FBXO42: variants seen among roughly 807,000 people sequenced by gnomAD.
The protein encoded by FBXO42 is F-box only protein 42.
Under a neutral mutation model 71.7 loss-of-function variants are expected in FBXO42, and 12 were observed. That is an observed-to-expected ratio of 0.17 (90% CI 0.11 to 0.27). The LOEUF is 0.27. FBXO42 is among the 10% of genes least tolerant of loss of function. The pLI is 1.00. For synonymous variants in FBXO42, 325 were observed against 327.5 expected (o/e 0.99, Z 0.08); for missense variants, 707 against 911.9 (o/e 0.78, Z 2.89).
chr1:16,347,830 A>T (rs910158071), intron 1 of FBXO42, among the ~76,000 whole-genome samples: 1 of 152,116 alleles, frequency 6.6e-6, no homozygotes, highest in African/African-American at 2.4e-5. Flanking sequence ...TTTACTAAAA[A>T]TACAAAAAAT....
chr1:16,308,731 C>A (rs1211366011), intron 2 of FBXO42, among the ~76,000 whole-genome samples: 4 of 149,254 alleles, frequency 2.7e-5, no homozygotes, highest in African/African-American at 9.9e-5. Context: ...GCTGGGAGAC[C>A]CCATCTCTGT....
At chr1:16,311,499 A>ATAT (rs1553153690) in intron 2 of FBXO42, among the ~76,000 whole-genome samples, 22 of 68,698 alleles carry the variant, frequency 3.2e-4, no homozygotes, top group African/African-American at 6.9e-4. Context: ...AAAAAAAAAA[A>ATAT]AAAAATATAT....
chr1:16,271,258 GGTGTGTGTGTGTGTGTGTGTGTGTGT>G (rs57827739), intron 4 of FBXO42, among the ~76,000 whole-genome samples: 2 of 137,426 alleles, frequency 1.5e-5, no homozygotes, highest in Admixed American at 7.5e-5. Context: ...TGTGTGTGTT[GGTGTGTGTGTGTGTGTGTGTGTGTGT>G]GTGTGTGTGT....
intron 4 of FBXO42, among the ~76,000 whole-genome samples, chr1:16,281,682 G>T: frequency 6.9e-6 from 1 of 145,548 alleles, no homozygotes. Flanking sequence ...TTTTTGAGAC[G>T]GAGTCTCACT....
chr1:16,263,610 C>T (rs1325832530), intron 4 of FBXO42, among the ~76,000 whole-genome samples: 2 of 151,614 alleles, frequency 1.3e-5, no homozygotes, highest in Non-Finnish European at 2.9e-5. Flanking sequence ...GTAATCCCAG[C>T]TTCTTGTGAG....
rs60358251 is a variant in FBXO42, at chr1:16,350,573, CAAAAAAAAAA to C, written c.-18+1672_-18+1681del. On this transcript the variant is annotated intron_variant, in intron 1 of 9. Transcript: ENST00000375592. ...TGAAACCCCGTCTCTACTAAAATTA[CAAAAAAAAAA>C]AAAAAAAAAAAAAAATTAGCGGGCG... Among the ~76,000 whole-genome samples, 13 of 66,794 alleles carry C rather than the reference CAAAAAAAAAA, an allele frequency of 1.9e-4. No homozygotes were observed. In the South Asian group the frequency reaches 2.3e-3, roughly 12 times the overall value. 43.8% of individuals were successfully genotyped at this position (66,794 alleles called of 152,430 possible). A position where few individuals can be genotyped will look rare whatever the true frequency, so the allele number is the denominator to read the frequency against.
In FBXO42 at chr1:16,352,405, G is replaced by T; in HGVS notation, c.-168C>A. On this transcript the variant is annotated 5_prime_UTR_variant, in exon 1 of 10. Transcript: ENST00000375592. ...AGCTGGCGGGACCCCGAGCCGCCCG[G>T]AGCCGCCATCTTCCTCCACTCAAAC... is the stretch of plus-strand genomic sequence containing the variant. 2.5e-6 allele frequency: 1 copy of T among 399,790 alleles called. No homozygotes were observed. The highest frequency in any genetic ancestry group is 2.1e-5 in the African/African-American group (1 of 48,732). 24.8% of individuals were successfully genotyped at this position (399,790 alleles called of 1,614,324 possible).
chr1:16,329,726 G>A (rs2082480715), intron 1 of FBXO42, among the ~76,000 whole-genome samples: 1 of 151,914 alleles, frequency 6.6e-6, no homozygotes, highest in Non-Finnish European at 1.5e-5. Flanking sequence ...GAGGCAGGCA[G>A]ATCACGAGGT....
intron 4 of FBXO42, among the ~76,000 whole-genome samples, chr1:16,281,391 C>A (rs552920018): frequency 9.9e-5 from 15 of 152,240 alleles, no homozygotes; most frequent in African/African-American, 3.6e-4. Flanking sequence ...TCAAGGTCCA[C>A]GTACATCTCC....
chr1:16,273,362 C>T (rs1343214830), intron 4 of FBXO42, among the ~76,000 whole-genome samples: 1 of 152,134 alleles, frequency 6.6e-6, no homozygotes, highest in Non-Finnish European at 1.5e-5. Flanking sequence ...CTTTCCTCCC[C>T]AAACTTCTGT....
Position 16,251,862 on chromosome 1 carries a change from A to G in FBXO42, c.1039-77T>C. The stretch of plus-strand genomic sequence containing the variant: ...TTCAACTGTCAAACATTTTATCATG[A>G]GCATCTGTCATGTGCCAGACATTTT... On this transcript the variant is annotated intron_variant, in intron 9 of 9. Transcript: ENST00000375592. This position sits in a 1 kb window ranked among gnomAD's most constrained non-coding sequence, Gnocchi z 4.5. The G allele has an allele frequency of 6.6e-7, 1 of 1,514,206 alleles. No individual in the cohort carries two copies. Among genetic ancestry groups the G allele is most frequent in the Non-Finnish European group, 8.9e-7 (1 of 1,126,066 alleles). The allele number at this position is 1,514,206 out of a possible 1,614,324, so 93.8% of individuals were successfully genotyped here. A position where few individuals can be genotyped will look rare whatever the true frequency, so the allele number is the denominator to read the frequency against.
chr1:16,307,293 G>GT (rs2082261397), intron 2 of FBXO42, among the ~76,000 whole-genome samples: 1 of 152,130 alleles, frequency 6.6e-6, no homozygotes, highest in South Asian at 2.1e-4. Flanking sequence ...GAAGCCAGGA[G>GT]TTTGAGACCA....
At chr1:16,319,701 G>C (rs528601498) in intron 1 of FBXO42, among the ~76,000 whole-genome samples, 21 of 151,846 alleles carry the variant, frequency 1.4e-4, no homozygotes, top group African/African-American at 5.1e-4. Flanking sequence ...TCACGAGCTC[G>C]GGAGTTCGAG....
chr1:16,256,570 T>C (rs1446014875), intron 5 of FBXO42, 36 bp downstream of exon 5: 7 of 1,601,844 alleles, frequency 4.4e-6, no homozygotes, highest in Non-Finnish European at 5.1e-6. Context: ...TAAGGCCTTT[T>C]CTTCCAGATT....
At chr1:16,255,340 T>G (rs2081630086) in intron 6 of FBXO42, among the ~76,000 whole-genome samples, 1 of 150,622 alleles carries the variant, frequency 6.6e-6, no homozygotes, top group Admixed American at 6.6e-5. Flanking sequence ...TAACTTACTT[T>G]TTTTTTTTTT....
At chr1:16,270,378 G>C (rs1236364037) in intron 4 of FBXO42, among the ~76,000 whole-genome samples, 2 of 152,180 alleles carry the variant, frequency 1.3e-5, no homozygotes. Flanking sequence ...GATGGAGTTA[G>C]GCAGCAGTAA....
intron 1 of FBXO42, among the ~76,000 whole-genome samples, chr1:16,320,429 T>C (rs1278861949): frequency 6.6e-6 from 1 of 151,208 alleles, no homozygotes; most frequent in Admixed American, 6.6e-5. Context: ...CCATAGTCCC[T>C]CTTACTTGTT....
chr1:16,275,920 T>C (rs1449395356), intron 4 of FBXO42, among the ~76,000 whole-genome samples: 2 of 150,574 alleles, frequency 1.3e-5, no homozygotes, highest in African/African-American at 2.4e-5. Context: ...GGAGGAGAAT[T>C]GTTGCCAAGA....
chr1:16,339,992 A>G (rs756642583), intron 1 of FBXO42, among the ~76,000 whole-genome samples: 24 of 152,168 alleles, frequency 1.6e-4, no homozygotes, highest in Non-Finnish European at 2.5e-4. Context: ...CCTGGCTAAC[A>G]CAGTGAAACC....
Sources: gnomAD v4.1 joint callset for allele counts (sites outside exome capture counted in the v4.1 genomes callset) on GRCh38, gnomAD v4.1.1 for gene constraint, Gnocchi (gnomAD v3.1) non-coding constraint, MANE v1.5 for transcripts, NCBI Gene and HGNC (gene_info 2026-07-23, HGNC 2026-07-21) for gene names.